MTDH: variants seen among roughly 807,000 people sequenced by gnomAD.
The protein encoded by MTDH is metadherin.
In MTDH, 34 loss-of-function variants were observed where a neutral mutation model predicts 72.7. That is an observed-to-expected ratio of 0.47 (90% CI 0.36 to 0.62). The LOEUF is 0.62. Ranked by LOEUF, MTDH falls within the 20% of genes least tolerant of loss-of-function variation. The pLI is 0.00. For synonymous variants in MTDH, 266 were observed against 268.9 expected (o/e 0.99, Z 0.10); for missense variants, 677 against 699.4 (o/e 0.97, Z 0.36).
chr8:97,695,437 A>G (rs994023889), intron 6 of MTDH, among the ~76,000 whole-genome samples: 3 of 152,182 alleles, frequency 2.0e-5, no homozygotes, highest in Admixed American at 2.0e-4. Context: ...AAAGTTATAT[A>G]GCATTTCATA....
At position 97,703,146 on chromosome 8, in the gene MTDH, C is replaced by T. The variant is rs533248450; in HGVS notation, c.1147+3294C>T. 7.2e-5 allele frequency among the ~76,000 whole-genome samples: 11 copies of T among 152,234 alleles called. No homozygotes were observed. The South Asian group carries it at 2.3e-3, about 32-fold the overall frequency. ...TTGGGAAGCCAAGGTGCAAGGATTTCTTGAGCCCACGCGTTCAAGACCAGC... is the reference window on the plus strand; with the variant it reads ...TTGGGAAGCCAAGGTGCAAGGATTTTTTGAGCCCACGCGTTCAAGACCAGC... On this transcript the variant is annotated intron_variant, in intron 7 of 11. Coordinates refer to ENST00000336273, the MANE Select transcript of MTDH (RefSeq NM_178812.4).
intron 6 of MTDH, among the ~76,000 whole-genome samples, chr8:97,697,381 GTTTTTTTTT>G: frequency 1.2e-5 from 1 of 80,194 alleles, no homozygotes; most frequent in East Asian, 4.3e-4. Flanking sequence ...TATTATTTCG[GTTTTTTTTT>G]TTTTTTTTTT....
chr8:97,703,201 C>CA (rs914590378), intron 7 of MTDH, among the ~76,000 whole-genome samples: 5 of 151,128 alleles, frequency 3.3e-5, no homozygotes, highest in Admixed American at 6.6e-5. Flanking sequence ...CCCATCTCTA[C>CA]AAAAAAAAAT....
chr8:97,659,887 G>T (rs1226567704), intron 1 of MTDH, among the ~76,000 whole-genome samples: 8 of 152,188 alleles, frequency 5.3e-5, no homozygotes, highest in African/African-American at 1.9e-4. Flanking sequence ...GGCTGGGCAC[G>T]GTGGCTCACG....
intron 2 of MTDH, among the ~76,000 whole-genome samples, chr8:97,666,521 C>T (rs1244059638): frequency 1.3e-5 from 2 of 152,178 alleles, no homozygotes; most frequent in Non-Finnish European, 2.9e-5. Flanking sequence ...GGAAGGGACC[C>T]TAGTGACCCT....
intron 2 of MTDH, among the ~76,000 whole-genome samples, chr8:97,675,805 G>C (rs1211732845): frequency 6.6e-6 from 1 of 151,844 alleles, no homozygotes; most frequent in Non-Finnish European, 1.5e-5. Flanking sequence ...CCAGGAGGTA[G>C]AAGTTGCAGT....
At chr8:97,699,607 A>G in intron 6 of MTDH, 147 bp from the exon 7 acceptor site, 1 of 549,304 alleles carries the variant, frequency 1.8e-6, no homozygotes, top group Non-Finnish European at 3.3e-6. Context: ...TTTTCCTTTT[A>G]ACTTAATTCT....
intron 7 of MTDH, among the ~76,000 whole-genome samples, chr8:97,702,971 G>A (rs932028657): frequency 3.3e-5 from 5 of 152,210 alleles, no homozygotes; most frequent in African/African-American, 1.2e-4. Context: ...GAAAACTTTA[G>A]CGATAAGAAA....
At chr8:97,677,374 C>A (rs1812896151) in intron 2 of MTDH, among the ~76,000 whole-genome samples, 1 of 151,080 alleles carries the variant, frequency 6.6e-6, no homozygotes, top group Non-Finnish European at 1.5e-5. Flanking sequence ...GCCTGTAGTC[C>A]CAGTTACTCG....
chr8:97,714,069 A>G (rs940299362), intron 9 of MTDH, among the ~76,000 whole-genome samples: 15 of 152,294 alleles, frequency 9.8e-5, no homozygotes, highest in African/African-American at 3.1e-4. Context: ...TACACATACA[A>G]AAATTCCTTT....
In MTDH at chr8:97,687,440, A is replaced by G. The variant is rs1813410518; in HGVS notation, c.580A>G (p.Thr194Ala). The change falls in exon 4 of 12, where the codon ACT (threonine) becomes GCT (alanine). Residue 194 changes from threonine (T) to alanine (A), a missense_variant. Transcript: ENST00000336273. ...GKEVDEGAWE[T>A]KISHREKRQQ... is the part of the protein sequence containing the mutation. ...TGGGGCTATGTCAGGAGCCTGGGAA[A>G]CTAAAATTAGTCACAGAGAGAAACG... The G allele has an allele frequency of 6.3e-7, 1 of 1,594,524 alleles. No individual in the cohort carries two copies. Among genetic ancestry groups the G allele is most frequent in the Non-Finnish European group, 8.5e-7 (1 of 1,171,246 alleles).
In MTDH at chr8:97,726,944, T is replaced by C. The variant is rs968307080; in HGVS notation, c.*2274T>C. ...AAAAAAAAAAATTAGCTGGGTGTGG[T>C]GGTGGGCTCCTGTAATCCCAGCTAC... On this transcript the variant is annotated 3_prime_UTR_variant, in exon 12 of 12. Coordinates refer to ENST00000336273, the MANE Select transcript of MTDH (RefSeq NM_178812.4). 2.0e-5 allele frequency: 3 copies of C among 150,714 alleles called. No individual in the cohort carries two copies. The highest frequency in any genetic ancestry group is 4.4e-5 in the Non-Finnish European group (3 of 67,742). 9.3% of individuals were successfully genotyped at this position (150,714 alleles called of 1,614,324 possible). A position where few individuals can be genotyped will look rare whatever the true frequency, so the allele number is the denominator to read the frequency against.
intron 5 of MTDH, among the ~76,000 whole-genome samples, chr8:97,689,575 T>C (rs1813501379): frequency 6.6e-6 from 1 of 152,104 alleles, no homozygotes; most frequent in Non-Finnish European, 1.5e-5. Flanking sequence ...GCTTTATAAA[T>C]AGAAAATATG....
intron 7 of MTDH, among the ~76,000 whole-genome samples, chr8:97,703,929 CTTG>C (rs940297878): frequency 4.6e-5 from 7 of 152,276 alleles, no homozygotes; most frequent in Admixed American, 1.3e-4. Flanking sequence ...CCAAAATCAT[CTTG>C]TTATTAAGTG....
chr8:97,703,853 A>G (rs931510617), intron 7 of MTDH, among the ~76,000 whole-genome samples: 12 of 152,236 alleles, frequency 7.9e-5, no homozygotes, highest in African/African-American at 2.9e-4. Context: ...ATTGCTTTAC[A>G]TGTATCTCAT....
chr8:97,698,556 T>C (rs375363163), intron 6 of MTDH, among the ~76,000 whole-genome samples: 60 of 152,278 alleles, frequency 3.9e-4, no homozygotes, highest in African/African-American at 1.4e-3. Context: ...ACAAAACTTA[T>C]GAGATAATAT....
intron 9 of MTDH, among the ~76,000 whole-genome samples, chr8:97,715,367 G>C (rs958834933): frequency 3.3e-5 from 5 of 151,938 alleles, no homozygotes; most frequent in Non-Finnish European, 5.9e-5. Flanking sequence ...GGCCTCGAGT[G>C]ATCTTCCTGC....
chr8:97,676,160 G>C (rs1002722373), intron 2 of MTDH, among the ~76,000 whole-genome samples: 1 of 152,002 alleles, frequency 6.6e-6, no homozygotes, highest in Non-Finnish European at 1.5e-5. Flanking sequence ...GGCTGTTCTC[G>C]AACTCCTGGA....
At position 97,644,708 on chromosome 8, in the gene MTDH, G is replaced by T. The variant is rs1415667537; in HGVS notation, c.202G>T (p.Gly68Cys). ...CGGGCTGCTGCTGCTGTTTCTGCTGGGCTACGGCTGGGCCGCGGCTTGCGC... is the reference window on the plus strand; with the variant it reads ...CGGGCTGCTGCTGCTGTTTCTGCTGTGCTACGGCTGGGCCGCGGCTTGCGC... ...ALGLLLLFLL[G>C]YGWAAACAGA... The change falls in exon 1 of 12, where the codon GGC (glycine) becomes TGC (cysteine). Residue 68 changes from glycine (G) to cysteine (C), a missense_variant. Physicochemically the swap from Gly to Cys is radical, Grantham distance 159. This residue lies in a region of MTDH where 467 missense variants were observed against 469.1 expected (regional missense o/e 1.00). Transcript: ENST00000336273. The T allele has an allele frequency of 2.5e-6, 4 of 1,597,822 alleles. No individual in the cohort carries two copies. The highest frequency in any genetic ancestry group is 2.6e-6 in the Non-Finnish European group (3 of 1,175,002).
Sources: allele counts gnomAD v4.1 joint callset (sites outside exome capture counted in the v4.1 genomes callset), GRCh38; gene constraint gnomAD v4.1.1; regional missense constraint gnomAD v4.1.1; transcripts MANE v1.5; gene names NCBI Gene and HGNC (gene_info 2026-07-23, HGNC 2026-07-21).